Variants in PRSS55 observed in about 807,000 individuals in gnomAD.
PRSS55 encodes probable serine protease UNQ9391/PRO34284.
PRSS55 carries 41 observed loss-of-function variants against 23.6 expected under a neutral mutation model. The observed-to-expected ratio is 1.74, with a 90% CI of 1.35 to 2.26. The LOEUF is 2.26. Ranked by LOEUF, PRSS55 falls within the 30% of genes most tolerant of loss-of-function variation. The probability of loss-of-function intolerance (pLI) is 0.00; values close to 1 mark genes in which losing one functional copy is unlikely to be tolerated. For synonymous variants in PRSS55, 262 were observed against 175.5 expected (o/e 1.49, Z -3.90); for missense variants, 669 against 439.1 (o/e 1.52, Z -4.68).
intron 4 of PRSS55, among the ~76,000 whole-genome samples, chr8:10,547,038 C>T (rs956150897): frequency 6.6e-6 from 1 of 152,204 alleles, no homozygotes; most frequent in African/African-American, 2.4e-5. Context: ...ATCAGCCTCG[C>T]TGTAGCCCAG....
intron 4 of PRSS55, among the ~76,000 whole-genome samples, chr8:10,536,127 A>C (rs1217801235): frequency 6.6e-6 from 1 of 152,204 alleles, no homozygotes; most frequent in Non-Finnish European, 1.5e-5. Context: ...CGGAGCTTGC[A>C]GTGAGCCCAG....
intron 1 of PRSS55, among the ~76,000 whole-genome samples, chr8:10,527,471 G>C (rs1452052659): frequency 6.6e-6 from 1 of 152,250 alleles, no homozygotes; most frequent in Non-Finnish European, 1.5e-5. Context: ...GATGTAACGA[G>C]GATGCAATGA....
At chr8:10,551,909 C>A (rs915928973) in intron 4 of PRSS55, among the ~76,000 whole-genome samples, 7 of 152,182 alleles carry the variant, frequency 4.6e-5, no homozygotes, top group Non-Finnish European at 1.0e-4. Context: ...TTGCAAAATC[C>A]CTGCTTTCAA....
At position 10,538,748 on chromosome 8, in the gene PRSS55, G is replaced by A. The variant is rs765011315; in HGVS notation, c.1014G>A (p.Leu338=). 133 of 1,610,038 alleles carry A rather than the reference G, an allele frequency of 8.3e-5. No homozygotes were observed. The highest frequency in any genetic ancestry group is 1.0e-4 in the Non-Finnish European group (123 of 1,178,374). ...PEPGSPRSWL[L]LCPLSHVLFR... ...CAGGCAGCCCCAGATCCTGGCTCCT[G>A]CTCTGTCCCCTGTCCCATGTGTTGT... Residue 338 remains leucine, a synonymous_variant, in exon 5 of 5, where the codon CTG becomes CTA. Coordinates refer to ENST00000328655, the MANE Select transcript of PRSS55 (RefSeq NM_198464.4).
chr8:10,552,552 T>C lies in PRSS55; in HGVS notation c.742-1391T>C, dbSNP rs376639240. On this transcript the variant is annotated intron_variant, in intron 4 of 4. Transcript: ENST00000522210. The stretch of plus-strand genomic sequence containing the variant: ...TTTTAAGGGGTTAATCCCCAAAATA[T>C]ACAAAAAACCCAAACAACTCAGTAG... 2.0e-5 allele frequency among the ~76,000 whole-genome samples: 3 copies of C among 152,260 alleles called. No homozygotes were observed. The South Asian group carries it at 6.2e-4, about 32-fold the overall frequency.
chr8:10,531,590 G>A, intron 3 of PRSS55, 45 bp downstream of exon 3: 1 of 1,604,102 alleles, frequency 6.2e-7, no homozygotes, highest in South Asian at 1.1e-5. Flanking sequence ...CCACTGCAAT[G>A]TGAAGGAGAG....
Position 10,531,372 on chromosome 8 carries a change from T to A in PRSS55, c.425T>A (p.Ile142Asn). ...ATGGAAATAAAGGAGGTCGCCAGCA[T>A]CATTCTTCACAAAGACTTTAAGAGA... ...PSMEIKEVAS[I>N]ILHKDFKRAN... Residue 142 changes from isoleucine (I) to asparagine (N), a missense_variant, in exon 3 of 5, where the codon ATC (isoleucine) becomes AAC (asparagine). Physicochemically the swap from Ile to Asn is moderately radical, Grantham distance 149 (BLOSUM62 -3). Coordinates refer to ENST00000328655, the MANE Select transcript of PRSS55 (RefSeq NM_198464.4). 1.9e-6 allele frequency: 3 copies of A among 1,614,196 alleles called. No homozygotes were observed. The highest frequency in any genetic ancestry group is 2.5e-6 in the Non-Finnish European group (3 of 1,180,032).
At position 10,529,506 on chromosome 8, in the gene PRSS55, G is replaced by A; in HGVS notation, c.155-1G>A. On this transcript the variant is annotated splice_acceptor_variant, in intron 1 of 4. Coordinates refer to ENST00000328655, the MANE Select transcript of PRSS55 (RefSeq NM_198464.4). LOFTEE classifies it high-confidence loss of function. ...CTTTCCACTCTCTTTCTTTCCACCA[G>A]AATGTGGTGACAGATCTATTTTCGA... 3 of 1,613,944 alleles carry A rather than the reference G, an allele frequency of 1.9e-6. No individual in the cohort carries two copies. The highest frequency in any genetic ancestry group is 2.5e-6 in the Non-Finnish European group (3 of 1,179,806).
At chr8:10,534,520 G>A (rs7838313) in intron 4 of PRSS55, among the ~76,000 whole-genome samples, 110,263 of 152,054 alleles carry the variant, frequency 0.73, 40,136 homozygotes, top group African/African-American at 0.8. Context: ...ACAAAGGTAG[G>A]GAGGGCATGG....
At chr8:10,552,190 G>A (rs749306371) in intron 4 of PRSS55, among the ~76,000 whole-genome samples, 45 of 152,342 alleles carry the variant, frequency 3.0e-4, no homozygotes, top group Middle Eastern at 3.4e-3. Flanking sequence ...CCATTTGACT[G>A]AAAGCAGAGA....
At chr8:10,534,211 C>T (rs7835596) in intron 4 of PRSS55, among the ~76,000 whole-genome samples, 11,586 of 152,212 alleles carry the variant, frequency 0.076, 496 homozygotes, top group Non-Finnish European at 0.096. Context: ...CAGCCCCTCC[C>T]ACTAAGTACA....
intron 2 of PRSS55, among the ~76,000 whole-genome samples, chr8:10,530,840 C>G (rs1283625403): frequency 6.6e-6 from 1 of 152,186 alleles, no homozygotes; most frequent in African/African-American, 2.4e-5. Flanking sequence ...AAGATCCTGT[C>G]TGCTTGGTCA....
intron 4 of PRSS55, among the ~76,000 whole-genome samples, chr8:10,533,943 A>C (rs4240652): frequency 6.6e-6 from 1 of 152,152 alleles, no homozygotes; most frequent in Non-Finnish European, 1.5e-5. Context: ...GTGGGTACTG[A>C]AACAGGGGTT....
At chr8:10,544,735 C>G (rs1363661462) in intron 4 of PRSS55, among the ~76,000 whole-genome samples, 2 of 152,178 alleles carry the variant, frequency 1.3e-5, no homozygotes, top group Non-Finnish European at 2.9e-5. Flanking sequence ...TTAGAATTAA[C>G]TTCTGGTTTA....
intron 4 of PRSS55, among the ~76,000 whole-genome samples, chr8:10,546,143 AGCTG>A (rs1022915198): frequency 3.3e-5 from 5 of 152,154 alleles, no homozygotes; most frequent in African/African-American, 1.2e-4. Flanking sequence ...TCCAGAATGA[AGCTG>A]GCCATGGCTC....
downstream of PRSS55, chr8:10,541,512 C>G (rs1351826364): frequency 6.6e-6 from 1 of 152,182 alleles, no homozygotes; most frequent in Non-Finnish European, 1.5e-5. Context: ...CTCGAGCCTG[C>G]CAGTCCACAC....
downstream of PRSS55, among the ~76,000 whole-genome samples, chr8:10,543,454 TCC>T (rs1491501934): frequency 4.6e-4 from 15 of 32,512 alleles, 1 homozygote; most frequent in South Asian, 0.026. Flanking sequence ...CATCCTTCCT[TCC>T]TTCCTTCCTT....
chr8:10,532,941 G>C lies in PRSS55; in HGVS notation c.634G>C (p.Ala212Pro), dbSNP rs1480986971. 55 of 1,614,232 alleles carry C rather than the reference G, an allele frequency of 3.4e-5. No individual in the cohort carries two copies. Among genetic ancestry groups the C allele is most frequent in the Non-Finnish European group, 4.6e-5 (54 of 1,180,036 alleles). Residue 212 changes from alanine to proline, a missense_variant, in exon 4 of 5, where the codon GCG (alanine) becomes CCG (proline). Transcript: ENST00000328655. ...KNSVKTDLMK[A>P]PMVIMDWEEC... ...CTCTGTGAAAACGGATCTGATGAAA[G>C]CGCCAATGGTCATCATGGACTGGGA...
chr8:10,531,619 G>A (rs1812270559), intron 3 of PRSS55, 74 bp downstream of exon 3: 1 of 1,574,668 alleles, frequency 6.4e-7, no homozygotes, highest in African/African-American at 1.3e-5. Flanking sequence ...GCTAAGGAAG[G>A]AGTGAGGACA....
Sources: gnomAD v4.1 joint callset for allele counts (sites outside exome capture counted in the v4.1 genomes callset) on GRCh38, gnomAD v4.1.1 for gene constraint, MANE v1.5 for transcripts, NCBI Gene and HGNC (gene_info 2026-07-23, HGNC 2026-07-21) for gene names.